CAMTA1: variants seen among roughly 807,000 people sequenced by gnomAD.
The protein encoded by CAMTA1 is calmodulin binding transcription activator 1.
A neutral mutation model predicts 170.9 loss-of-function variants in CAMTA1; 27 were observed. The observed-to-expected ratio is 0.16, with a 90% CI of 0.12 to 0.22. The LOEUF (loss-of-function observed/expected upper bound fraction) is 0.22. Ranked by LOEUF, CAMTA1 falls within the 10% of genes least tolerant of loss-of-function variation. CAMTA1 has a pLI of 1.00. For missense variants in CAMTA1, 1,619 were observed against 2,217.2 expected, an observed-to-expected ratio of 0.73 and a Z score of 5.42; for synonymous variants, 833 against 891.5, an observed-to-expected ratio of 0.93 and a Z score of 1.17.
At chr1:7,301,696 A>G (rs1557472673) in intron 5 of CAMTA1, among the ~76,000 whole-genome samples, 2 of 152,122 alleles carry the variant, frequency 1.3e-5, no homozygotes, top group Non-Finnish European at 2.9e-5. Context: ...GACAGACATG[A>G]TGAGTGCTGG....
At chr1:7,377,406 C>A (rs542464171) in intron 5 of CAMTA1, among the ~76,000 whole-genome samples, 2 of 152,352 alleles carry the variant, frequency 1.3e-5, no homozygotes, top group East Asian at 3.9e-4. Flanking sequence ...TTACTGTTCT[C>A]TATTCTCAGG....
At chr1:7,102,905 C>T (rs1433596460) in intron 4 of CAMTA1, among the ~76,000 whole-genome samples, 1 of 152,208 alleles carries the variant, frequency 6.6e-6, no homozygotes, top group African/African-American at 2.4e-5. Flanking sequence ...TTGGCACCCA[C>T]TCTTCTCTTT....
At chr1:7,386,138 G>A (rs896052668) in intron 5 of CAMTA1, among the ~76,000 whole-genome samples, 5 of 152,250 alleles carry the variant, frequency 3.3e-5, no homozygotes, top group African/African-American at 1.2e-4. Context: ...CCCGCTGGAA[G>A]GCCATCTGTT....
intron 5 of CAMTA1, among the ~76,000 whole-genome samples, chr1:7,276,303 A>ATATATATTTTTTTTTTTTT: frequency 4.1e-5 from 1 of 24,226 alleles, no homozygotes; most frequent in Non-Finnish European, 6.1e-5. Context: ...ATATATATAT[A>ATATATATTTTTTTTTTTTT]TTTTTTTTTT....
intron 6 of CAMTA1, among the ~76,000 whole-genome samples, chr1:7,558,341 G>A (rs180788766): frequency 5.9e-5 from 9 of 152,302 alleles, no homozygotes; most frequent in Non-Finnish European, 8.8e-5. Flanking sequence ...GGTCAAGGCC[G>A]CCAGGGTTGA....
At chr1:7,494,151 C>CAA (rs201225081) in intron 6 of CAMTA1, among the ~76,000 whole-genome samples, 2,326 of 113,256 alleles carry the variant, frequency 0.021, 73 homozygotes, top group African/African-American at 0.063. Context: ...ATCTGCTGTT[C>CAA]AAAAAAAAAA....
At chr1:7,192,802 C>A (rs1350313816) in intron 4 of CAMTA1, among the ~76,000 whole-genome samples, 1 of 152,106 alleles carries the variant, frequency 6.6e-6, no homozygotes, top group Non-Finnish European at 1.5e-5. Context: ...AGGATCTGAA[C>A]CCAGGAGTGA....
intron 5 of CAMTA1, among the ~76,000 whole-genome samples, chr1:7,265,686 T>C (rs959308950): frequency 6.6e-6 from 1 of 152,226 alleles, no homozygotes; most frequent in African/African-American, 2.4e-5. Flanking sequence ...TAAAATATAT[T>C]ATTAAAATTC....
chr1:7,417,470 G>A (rs1199810724), intron 5 of CAMTA1, among the ~76,000 whole-genome samples: 3 of 132,174 alleles, frequency 2.3e-5, no homozygotes, highest in Non-Finnish European at 4.8e-5. Context: ...GCAAGCCTGG[G>A]CAATGGCAGG....
intron 5 of CAMTA1, among the ~76,000 whole-genome samples, chr1:7,445,398 T>G (rs566838587): frequency 1.3e-3 from 190 of 151,692 alleles, no homozygotes; most frequent in African/African-American, 4.2e-3. Flanking sequence ...ATGGGAGCTG[T>G]GGTCTGAGCT....
At chr1:7,095,556 C>T (rs1641982214) in intron 4 of CAMTA1, among the ~76,000 whole-genome samples, 1 of 152,192 alleles carries the variant, frequency 6.6e-6, no homozygotes, top group South Asian at 2.1e-4. Flanking sequence ...GATCTCACTG[C>T]AAAGCCCATA....
At chr1:7,179,102 T>C (rs1317147686) in intron 4 of CAMTA1, among the ~76,000 whole-genome samples, 1 of 152,240 alleles carries the variant, frequency 6.6e-6, no homozygotes, top group African/African-American at 2.4e-5. Context: ...TCTGTGGTCA[T>C]TGCTTCCAAA....
intron 3 of CAMTA1, among the ~76,000 whole-genome samples, chr1:7,027,321 A>G (rs1017596533): frequency 2.6e-5 from 4 of 152,216 alleles, no homozygotes; most frequent in East Asian, 1.9e-4. Context: ...ATCAATAGCA[A>G]TGCTTGCACT....
chr1:7,555,526 G>T (rs1260247515), intron 6 of CAMTA1, among the ~76,000 whole-genome samples: 2 of 152,036 alleles, frequency 1.3e-5, no homozygotes, highest in African/African-American at 4.8e-5. Flanking sequence ...CATTCCCCAG[G>T]GCAGACAGAG....
chr1:7,630,106 G>A lies in CAMTA1; in HGVS notation c.511-10294G>A, dbSNP rs1022191312. ...TAATGATTTTAAATAAGGCCAGCCC[G>A]GGCCCCCACGCATACGTGCTGTTGG... On this transcript the variant is annotated intron_variant, in intron 6 of 22. Coordinates refer to ENST00000303635, the MANE Select transcript of CAMTA1 (RefSeq NM_015215.4). Among the ~76,000 whole-genome samples, 13 of 152,246 alleles carry A rather than the reference G, an allele frequency of 8.5e-5. No individual in the cohort carries two copies. In the East Asian group the frequency reaches 9.7e-4, roughly 11 times the overall value.
chr1:7,767,064 GT>G lies in CAMTA1; in HGVS notation c.*576del, dbSNP rs1043596922. ...CTTCACTGTTTATTTTTGTTTGTTT[GT>G]TTGTTTGTTTTAATCTCTACAGCAC... On this transcript the variant is annotated 3_prime_UTR_variant, in exon 23 of 23. Coordinates refer to ENST00000303635, the MANE Select transcript of CAMTA1 (RefSeq NM_015215.4). 4.6e-5 allele frequency: 7 copies of G among 152,756 alleles called. No individual in the cohort carries two copies. The highest frequency in any genetic ancestry group is 1.5e-5 in the Non-Finnish European group (1 of 68,170). The allele number at this position is 152,756 out of a possible 1,614,324, so 9.5% of individuals were successfully genotyped here. A position where few individuals can be genotyped will look rare whatever the true frequency, so the allele number is the denominator to read the frequency against.
chr1:6,987,965 C>G (rs374898042), intron 3 of CAMTA1, among the ~76,000 whole-genome samples: 3 of 152,214 alleles, frequency 2.0e-5, no homozygotes, highest in Non-Finnish European at 4.4e-5. Flanking sequence ...GCTTAGCCAG[C>G]TCTGCTTGAC....
chr1:6,863,873 T>TA (rs1435956064), intron 3 of CAMTA1, among the ~76,000 whole-genome samples: 1 of 152,242 alleles, frequency 6.6e-6, no homozygotes, highest in Non-Finnish European at 1.5e-5. Flanking sequence ...ACGTTACATC[T>TA]AGTTGTCATA....
intron 3 of CAMTA1, among the ~76,000 whole-genome samples, chr1:6,899,717 G>C (rs1461392629): frequency 1.3e-5 from 2 of 152,154 alleles, no homozygotes; most frequent in Admixed American, 6.5e-5. Context: ...AATCATAGCA[G>C]TTGATACTGT....
Sources: allele counts gnomAD v4.1 joint callset (sites outside exome capture counted in the v4.1 genomes callset), GRCh38; gene constraint gnomAD v4.1.1; transcripts MANE v1.5; gene names NCBI Gene and HGNC (gene_info 2026-07-23, HGNC 2026-07-21).